Variants in PTPRT observed in about 807,000 individuals in gnomAD.
PTPRT encodes protein tyrosine phosphatase receptor type T.
Under a neutral mutation model 176.8 loss-of-function variants are expected in PTPRT, and 56 were observed. The observed-to-expected ratio is 0.32, with a 90% CI of 0.26 to 0.40. The LOEUF is 0.40. PTPRT is among the 10% of genes least tolerant of loss of function. The probability of loss-of-function intolerance (pLI) is 1.00; values close to 1 mark genes in which losing one functional copy is unlikely to be tolerated. For synonymous variants in PTPRT, 783 were observed against 739.0 expected, an observed-to-expected ratio of 1.06 and a Z score of -0.96; for missense variants, 1,540 against 1,908.2, an observed-to-expected ratio of 0.81 and a Z score of 3.60.
intron 1 of PTPRT, among the ~76,000 whole-genome samples, chr20:43,138,745 TCACGCCCCAC>T (rs1381664203): frequency 1.3e-5 from 2 of 152,118 alleles, no homozygotes; most frequent in Non-Finnish European, 2.9e-5. Flanking sequence ...CAGCCTAGCC[TCACGCCCCAC>T]CAGTCCCCTG....
chr20:42,622,962 A>T (rs2074226051), intron 7 of PTPRT, among the ~76,000 whole-genome samples: 1 of 152,182 alleles, frequency 6.6e-6, no homozygotes, highest in African/African-American at 2.4e-5. Context: ...TCTTGCATCC[A>T]TATAAACCCT....
At chr20:42,444,223 T>C (rs2059343228) in intron 9 of PTPRT, among the ~76,000 whole-genome samples, 1 of 152,252 alleles carries the variant, frequency 6.6e-6, no homozygotes, top group African/African-American at 2.4e-5. Flanking sequence ...GCCTTTGCAC[T>C]CACTGTTTTT....
chr20:42,547,194 A>G (rs1262708260), intron 7 of PTPRT, among the ~76,000 whole-genome samples: 2 of 152,212 alleles, frequency 1.3e-5, no homozygotes, highest in Non-Finnish European at 2.9e-5. Flanking sequence ...TTAGAAAATT[A>G]CATGTTACAT....
intron 7 of PTPRT, among the ~76,000 whole-genome samples, chr20:42,559,558 A>G (rs1391455192): frequency 1.3e-5 from 2 of 152,174 alleles, no homozygotes; most frequent in Non-Finnish European, 2.9e-5. Context: ...GAGGGACAGT[A>G]AGTGACCAGC....
intron 9 of PTPRT, among the ~76,000 whole-genome samples, chr20:42,427,576 G>A (rs1394317750): frequency 2.6e-5 from 4 of 152,074 alleles, no homozygotes; most frequent in Non-Finnish European, 5.9e-5. Flanking sequence ...TTTCATAAGA[G>A]CACTAATCCC....
chr20:42,220,736 G>A (rs2055866387), intron 15 of PTPRT, among the ~76,000 whole-genome samples: 1 of 151,960 alleles, frequency 6.6e-6, no homozygotes, highest in Non-Finnish European at 1.5e-5. Context: ...TTCTCTCCAA[G>A]GTACAACCCT....
intron 9 of PTPRT, among the ~76,000 whole-genome samples, chr20:42,422,776 T>C (rs934259962): frequency 3.9e-5 from 6 of 152,242 alleles, no homozygotes; most frequent in East Asian, 1.9e-4. Context: ...CTATTCACAA[T>C]AGCCAACAGA....
At chr20:42,677,752 C>T in intron 7 of PTPRT, 114 bp downstream of exon 7, 1 of 1,227,834 alleles carries the variant, frequency 8.1e-7, no homozygotes, top group Non-Finnish European at 1.1e-6. Flanking sequence ...ATAGGAAGCA[C>T]ATTCACATTC....
the PTPRT span, among the ~76,000 whole-genome samples, chr20:42,061,764 C>T: frequency 6.6e-6 from 1 of 152,214 alleles, no homozygotes; most frequent in African/African-American, 2.4e-5. Flanking sequence ...TTTCAAAAAT[C>T]TCACCCTGGG....
chr20:42,822,752 T>C (rs2077918668), intron 2 of PTPRT, among the ~76,000 whole-genome samples: 1 of 152,084 alleles, frequency 6.6e-6, no homozygotes, highest in African/African-American at 2.4e-5. Context: ...AACAGACACT[T>C]CTCAAACGAA....
At chr20:42,262,212 A>C (rs910986931) in intron 13 of PTPRT, among the ~76,000 whole-genome samples, 7 of 152,320 alleles carry the variant, frequency 4.6e-5, no homozygotes, top group Admixed American at 4.6e-4. Context: ...CTGTATTAAA[A>C]GCTGATCTGT....
chr20:42,332,217 T>C (rs1345102379), intron 11 of PTPRT, among the ~76,000 whole-genome samples: 2 of 152,046 alleles, frequency 1.3e-5, no homozygotes, highest in Non-Finnish European at 2.9e-5. Context: ...AACATTTTTT[T>C]TCTTGTTTTT....
chr20:42,771,080 C>T (rs746209072), intron 5 of PTPRT, among the ~76,000 whole-genome samples: 6 of 152,284 alleles, frequency 3.9e-5, no homozygotes, highest in South Asian at 4.1e-4. Context: ...TGCCCCATTT[C>T]GTAAACTCAC....
chr20:42,882,948 A>T (rs2079030471), intron 2 of PTPRT, among the ~76,000 whole-genome samples: 1 of 152,244 alleles, frequency 6.6e-6, no homozygotes, highest in South Asian at 2.1e-4. Context: ...TTCCCGAGGC[A>T]GGAGAGAGTC....
chr20:42,041,739 G>C, the PTPRT span, among the ~76,000 whole-genome samples: 1 of 152,182 alleles, frequency 6.6e-6, no homozygotes, highest in Non-Finnish European at 1.5e-5. Context: ...TGTGGGGATA[G>C]ATAAATTAAT....
In PTPRT at chr20:42,106,802, T is replaced by C. The variant is rs770955919; in HGVS notation, c.3374A>G (p.Asn1125Ser). 4 of 1,614,020 alleles carry C rather than the reference T, an allele frequency of 2.5e-6. No homozygotes were observed. The highest frequency in any genetic ancestry group is 3.4e-6 in the Non-Finnish European group (4 of 1,180,012). Reference sequence around the variant, plus strand: ...AGGACTCACCTCTGTCTGTACCAGGTTGACCCTTTGGGCCCGGAGCTCACG... The same window carrying C: ...AGGACTCACCTCTGTCTGTACCAGGCTGACCCTTTGGGCCCGGAGCTCACG... ...CVRELRAQRVNLVQTEEQYVF... is the reference protein window; with the variant it reads ...CVRELRAQRVSLVQTEEQYVF... Residue 1125 changes from asparagine (N) to serine (S), a missense_variant, in exon 24 of 31, where the codon AAC (asparagine) becomes AGC (serine). Around this residue, in one of 11 missense-constraint regions of PTPRT, gnomAD observed 248 missense variants for 356.7 expected, o/e 0.70. Coordinates refer to ENST00000373187, the MANE Select transcript of PTPRT (RefSeq NM_007050.6).
chr20:43,059,963 A>G (rs1378851125), intron 1 of PTPRT, among the ~76,000 whole-genome samples: 1 of 151,838 alleles, frequency 6.6e-6, no homozygotes, highest in Non-Finnish European at 1.5e-5. Flanking sequence ...TGGGAGTGCA[A>G]TGTATTCTGA....
chr20:42,060,718 A>G, the PTPRT span, among the ~76,000 whole-genome samples: 2 of 152,274 alleles, frequency 1.3e-5, no homozygotes, highest in Admixed American at 1.3e-4. Flanking sequence ...TCCATGTGGA[A>G]CTTTCTTTTG....
chr20:42,871,082 C>G, intron 2 of PTPRT, among the ~76,000 whole-genome samples: 1 of 151,744 alleles, frequency 6.6e-6, no homozygotes. Flanking sequence ...TCGTGAGTAG[C>G]TGGGATTACA....
Sources: gnomAD v4.1 joint callset for allele counts (sites outside exome capture counted in the v4.1 genomes callset) on GRCh38, gnomAD v4.1.1 for gene constraint, gnomAD v4.1.1 regional missense constraint, MANE v1.5 for transcripts, NCBI Gene and HGNC (gene_info 2026-07-23, HGNC 2026-07-21) for gene names.